Variants in SORCS1 observed in about 807,000 individuals in gnomAD.
SORCS1 encodes the protein VPS10 domain-containing receptor SorCS1.
Under a neutral mutation model 146.1 loss-of-function variants are expected in SORCS1, and 60 were observed. The observed-to-expected ratio is 0.41, with a 90% CI of 0.33 to 0.51. The LOEUF is 0.51. Ranked by LOEUF, SORCS1 falls within the 20% of genes least tolerant of loss-of-function variation. SORCS1 has a pLI of 0.21. For missense variants in SORCS1, 1,352 were observed against 1,487.6 expected, an observed-to-expected ratio of 0.91 and a Z score of 1.50; for synonymous variants, 637 against 584.0, an observed-to-expected ratio of 1.09 and a Z score of -1.31.
chr10:106,606,484 T>C (rs1846601760), intron 23 of SORCS1, among the ~76,000 whole-genome samples: 1 of 152,226 alleles, frequency 6.6e-6, no homozygotes, highest in Non-Finnish European at 1.5e-5. Context: ...ATGCATGTCA[T>C]GTCATTTGCT....
chr10:106,748,335 G>T (rs1036784161), intron 5 of SORCS1, among the ~76,000 whole-genome samples: 1 of 152,070 alleles, frequency 6.6e-6, no homozygotes. Context: ...GCGATGTGTG[G>T]TCAGTGATCT....
At chr10:107,135,982 A>C (rs1158606952) in intron 1 of SORCS1, among the ~76,000 whole-genome samples, 1 of 152,156 alleles carries the variant, frequency 6.6e-6, no homozygotes, top group East Asian at 1.9e-4. Context: ...GCAGCCCCTG[A>C]TCTCTCTCTC....
At chr10:106,841,279 G>T (rs1001804572) in intron 2 of SORCS1, among the ~76,000 whole-genome samples, 1 of 152,070 alleles carries the variant, frequency 6.6e-6, no homozygotes, top group Admixed American at 6.6e-5. Context: ...AGACCAGCCT[G>T]GGCAACATGG....
At chr10:106,956,266 A>G (rs1486101477) in intron 2 of SORCS1, among the ~76,000 whole-genome samples, 1 of 152,228 alleles carries the variant, frequency 6.6e-6, no homozygotes, top group Non-Finnish European at 1.5e-5. Context: ...GTGCATAAAC[A>G]CAACCTATCA....
chr10:106,956,193 T>C (rs1269661720), intron 2 of SORCS1, among the ~76,000 whole-genome samples: 3 of 151,860 alleles, frequency 2.0e-5, no homozygotes, highest in African/African-American at 7.3e-5. Flanking sequence ...GCTGTGCTGA[T>C]TCTTCTGCAA....
At chr10:106,963,855 GAT>G (rs1002174552) in intron 1 of SORCS1, among the ~76,000 whole-genome samples, 1 of 152,142 alleles carries the variant, frequency 6.6e-6, no homozygotes, top group African/African-American at 2.4e-5. Context: ...AATGATATTT[GAT>G]ATGAGTCTCT....
At chr10:106,587,837 A>AT (rs371997440) in intron 24 of SORCS1, among the ~76,000 whole-genome samples, 3 of 151,858 alleles carry the variant, frequency 2.0e-5, no homozygotes, top group East Asian at 3.9e-4. Context: ...GTTCCTGTGT[A>AT]TTTTTTTTGG....
intron 2 of SORCS1, among the ~76,000 whole-genome samples, chr10:106,869,018 G>A (rs1466429112): frequency 2.6e-5 from 4 of 151,896 alleles, no homozygotes; most frequent in African/African-American, 4.8e-5. Flanking sequence ...TGCTACCACC[G>A]ACCCCACAGA....
chr10:107,175,999 T>A, the SORCS1 span, among the ~76,000 whole-genome samples: 1 of 152,180 alleles, frequency 6.6e-6, no homozygotes, highest in Non-Finnish European at 1.5e-5. Context: ...GAGTTATTCT[T>A]TTGTATATTT....
At chr10:107,125,716 A>G (rs1292715182) in intron 1 of SORCS1, among the ~76,000 whole-genome samples, 2 of 152,162 alleles carry the variant, frequency 1.3e-5, no homozygotes, top group African/African-American at 4.8e-5. Flanking sequence ...ATTCAGTACC[A>G]CCAACACCTG....
chr10:106,679,350 C>T lies in SORCS1; in HGVS notation c.1664-18G>A. On this transcript the variant is annotated intron_variant, in intron 11 of 25. Coordinates refer to ENST00000263054, the MANE Select transcript of SORCS1 (RefSeq NM_052918.5). ...TATATTACCTAGAAAGAGAAAGGTG[C>T]CATTAGTGAAAAGAACTTTCTGCAA... The T allele has an allele frequency of 4.4e-6, 7 of 1,586,030 alleles. No homozygotes were observed. Among genetic ancestry groups the T allele is most frequent in the Non-Finnish European group, 6.0e-6 (7 of 1,159,836 alleles).
At chr10:106,695,027 A>T (rs138412961) in intron 9 of SORCS1, among the ~76,000 whole-genome samples, 169 of 151,860 alleles carry the variant, frequency 1.1e-3, no homozygotes, top group African/African-American at 3.4e-3. Context: ...TCTCACAGAC[A>T]CTCAGCACAT....
At chr10:107,014,622 G>T (rs79832314) in intron 1 of SORCS1, among the ~76,000 whole-genome samples, 2 of 152,092 alleles carry the variant, frequency 1.3e-5, no homozygotes, top group African/African-American at 4.8e-5. Context: ...GCATAACCTG[G>T]GAATCTGTTA....
intron 1 of SORCS1, among the ~76,000 whole-genome samples, chr10:107,083,944 C>G (rs1268638739): frequency 2.0e-5 from 3 of 152,112 alleles, no homozygotes. Context: ...GATATTCACT[C>G]AGGTTTGGAT....
chr10:107,053,791 G>A (rs911299422), intron 1 of SORCS1, among the ~76,000 whole-genome samples: 5 of 152,098 alleles, frequency 3.3e-5, no homozygotes, highest in Admixed American at 2.0e-4. Context: ...CACTGCTAGG[G>A]GTTTCCAAGA....
intron 1 of SORCS1, among the ~76,000 whole-genome samples, chr10:106,986,026 A>T (rs1589854851): frequency 6.6e-6 from 1 of 152,062 alleles, no homozygotes; most frequent in South Asian, 2.1e-4. Flanking sequence ...TCATGATGTA[A>T]CAATTAAAAG....
chr10:106,575,960 C>A lies in SORCS1; in HGVS notation c.*1460G>T, dbSNP rs749430764. 6.6e-6 allele frequency: 1 copy of A among 152,646 alleles called. No homozygotes were observed. The highest frequency in any genetic ancestry group is 1.5e-5 in the Non-Finnish European group (1 of 68,048). 9.5% of individuals were successfully genotyped at this position (152,646 alleles called of 1,614,324 possible). ...AAATTGTCACACATTCAAAACATTTCTCACAAGAATCTTCTGGAATCAGAT... is the reference window on the plus strand; with the variant it reads ...AAATTGTCACACATTCAAAACATTTATCACAAGAATCTTCTGGAATCAGAT... On this transcript the variant is annotated 3_prime_UTR_variant, in exon 26 of 26. Coordinates refer to ENST00000263054, the MANE Select transcript of SORCS1 (RefSeq NM_052918.5).
intron 4 of SORCS1, among the ~76,000 whole-genome samples, chr10:106,762,461 C>T (rs1458981361): frequency 1.1e-4 from 15 of 139,520 alleles, no homozygotes; most frequent in Admixed American, 1.1e-3. Context: ...GGTGTGACCT[C>T]GGCTCACTGC....
chr10:107,011,813 G>A (rs935894006), intron 1 of SORCS1, among the ~76,000 whole-genome samples: 10 of 152,136 alleles, frequency 6.6e-5, no homozygotes, highest in Admixed American at 4.6e-4. Context: ...ATGCCATGGA[G>A]ATCCTAAGTA....
Sources: gnomAD v4.1 joint callset for allele counts (sites outside exome capture counted in the v4.1 genomes callset) on GRCh38, gnomAD v4.1.1 for gene constraint, MANE v1.5 for transcripts, NCBI Gene and HGNC (gene_info 2026-07-23, HGNC 2026-07-21) for gene names.